The following VWC2L variants were observed in gnomAD, a reference collection of about 807,000 sequenced individuals.
VWC2L encodes the protein von Willebrand factor C domain-containing protein 2-like.
VWC2L carries 10 observed loss-of-function variants against 21.6 expected under a neutral mutation model. The observed-to-expected ratio is 0.46, with a 90% CI of 0.29 to 0.78. The LOEUF (loss-of-function observed/expected upper bound fraction) is 0.78, where lower values mean the gene tolerates loss of function less well. Among genes scored for constraint, VWC2L ranks in the 30% least tolerant of loss-of-function variants. The pLI is 0.10. For synonymous variants in VWC2L, 96 were observed against 94.3 expected (o/e 1.02, Z -0.10); for missense variants, 209 against 277.1 (o/e 0.75, Z 1.74).
rs117969638 is a variant in VWC2L, at chr2:214,566,661, C to T, written c.521-9011C>T. Among the ~76,000 whole-genome samples, 29 of 152,204 alleles carry T rather than the reference C, an allele frequency of 1.9e-4. 1 individual carries two copies. The East Asian group carries it at 3.1e-3, about 16-fold the overall frequency. The stretch of plus-strand genomic sequence containing the variant: ...AGTAAAATCAGATAGAGGCCCTCTA[C>T]TCTTTGGTCTGGAAGCTCCCTCCAG... On this transcript the variant is annotated intron_variant, in intron 3 of 3. Coordinates refer to ENST00000312504, the MANE Select transcript of VWC2L (RefSeq NM_001080500.4).
chr2:214,452,384 C>T (rs2126185190), intron 3 of VWC2L, among the ~76,000 whole-genome samples: 1 of 152,200 alleles, frequency 6.6e-6, no homozygotes, highest in South Asian at 2.1e-4. Flanking sequence ...TTTCATCTAG[C>T]TTTTTTCATT....
At position 214,495,549 on chromosome 2, in the gene VWC2L, T is replaced by C. The variant is rs915166126; in HGVS notation, c.520+58791T>C. On this transcript the variant is annotated intron_variant, in intron 3 of 3. Transcript: ENST00000312504. ...AGGAACCACTGGCAGAGAACTTCAC[T>C]GCCCCACTAGTTTGGCAGTGACATC... is the stretch of plus-strand genomic sequence containing the variant. 2.0e-5 allele frequency among the ~76,000 whole-genome samples: 3 copies of C among 152,202 alleles called. No individual in the cohort carries two copies. In the East Asian group the frequency reaches 5.8e-4, roughly 29 times the overall value.
rs771356465 is a variant in VWC2L, at chr2:214,575,670, A to G, written c.521-2A>G. 1 of 1,612,928 alleles carries G rather than the reference A, an allele frequency of 6.2e-7. No homozygotes were observed. The highest frequency in any genetic ancestry group is 8.5e-7 in the Non-Finnish European group (1 of 1,179,144). On this transcript the variant is annotated splice_acceptor_variant, in intron 3 of 3. Coordinates refer to ENST00000312504, the MANE Select transcript of VWC2L (RefSeq NM_001080500.4). LOFTEE classifies it high-confidence loss of function. ...ACTAATCAATGTATCTGTGTGTTTC[A>G]GGTCCAAACTGCTTTGCAGGAACGA...
At chr2:214,507,763 G>C (rs956992688) in intron 3 of VWC2L, among the ~76,000 whole-genome samples, 1 of 152,138 alleles carries the variant, frequency 6.6e-6, no homozygotes, top group African/African-American at 2.4e-5. Context: ...AACAGCCTTG[G>C]AGACAGTCAT....
intron 2 of VWC2L, among the ~76,000 whole-genome samples, chr2:214,416,276 A>C (rs1342280220): frequency 1.3e-5 from 2 of 152,150 alleles, no homozygotes; most frequent in Admixed American, 6.6e-5. Flanking sequence ...CAAAGATAAT[A>C]ACTATGTTAC....
chr2:214,497,618 AC>A, intron 3 of VWC2L, among the ~76,000 whole-genome samples: 1 of 152,190 alleles, frequency 6.6e-6, no homozygotes, highest in East Asian at 1.9e-4. Context: ...TCCATTTCTA[AC>A]CCCAAATTTC....
At chr2:214,562,970 AT>A in intron 3 of VWC2L, among the ~76,000 whole-genome samples, 1 of 152,138 alleles carries the variant, frequency 6.6e-6, no homozygotes, top group Non-Finnish European at 1.5e-5. Flanking sequence ...ATTAGATCCC[AT>A]TTGTCAATTT....
intron 3 of VWC2L, among the ~76,000 whole-genome samples, chr2:214,462,769 C>T (rs937086523): frequency 2.0e-5 from 3 of 151,962 alleles, no homozygotes; most frequent in Admixed American, 6.6e-5. Context: ...TTTCTAATAC[C>T]GTAAGCTTTT....
intron 3 of VWC2L, among the ~76,000 whole-genome samples, chr2:214,500,894 A>C (rs765607045): frequency 3.3e-5 from 5 of 152,202 alleles, no homozygotes; most frequent in Admixed American, 6.5e-5. Context: ...GACCTTTCTC[A>C]GTGTTTTCAT....
intron 3 of VWC2L, among the ~76,000 whole-genome samples, chr2:214,447,207 T>C (rs1702851176): frequency 6.6e-6 from 1 of 152,080 alleles, no homozygotes; most frequent in Non-Finnish European, 1.5e-5. Flanking sequence ...CTAGAAATGA[T>C]ATCTCTCCAG....
At chr2:214,571,965 A>G (rs1459652655) in intron 3 of VWC2L, among the ~76,000 whole-genome samples, 2 of 151,962 alleles carry the variant, frequency 1.3e-5, no homozygotes, top group Non-Finnish European at 1.5e-5. Flanking sequence ...TGTTTTTGGT[A>G]GAGACAAGGT....
At chr2:214,550,852 A>G (rs1689782763) in intron 3 of VWC2L, among the ~76,000 whole-genome samples, 1 of 151,986 alleles carries the variant, frequency 6.6e-6, no homozygotes, top group African/African-American at 2.4e-5. Context: ...CCTACCTCAA[A>G]CTTTTCAGTG....
intron 3 of VWC2L, among the ~76,000 whole-genome samples, chr2:214,514,334 C>G (rs942226733): frequency 6.6e-6 from 1 of 151,906 alleles, no homozygotes; most frequent in Non-Finnish European, 1.5e-5. Context: ...TTAGGTAACA[C>G]TTTTTTTCGT....
chr2:214,523,408 A>T (rs1689276270), intron 3 of VWC2L, among the ~76,000 whole-genome samples: 1 of 152,200 alleles, frequency 6.6e-6, no homozygotes, highest in African/African-American at 2.4e-5. Context: ...TGTTCTTTGA[A>T]TTTCAAGGTT....
chr2:214,435,767 A>G (rs1170293314), intron 2 of VWC2L, among the ~76,000 whole-genome samples: 2 of 152,152 alleles, frequency 1.3e-5, no homozygotes, highest in African/African-American at 4.8e-5. Flanking sequence ...GTTCCATGAG[A>G]AAAGTAGAGC....
intron 3 of VWC2L, among the ~76,000 whole-genome samples, chr2:214,489,227 G>A (rs1464261917): frequency 6.6e-6 from 1 of 152,134 alleles, no homozygotes; most frequent in Non-Finnish European, 1.5e-5. Context: ...AATTAGTTCT[G>A]AAGGAGTCTG....
At chr2:214,528,626 C>A (rs1689380987) in intron 3 of VWC2L, among the ~76,000 whole-genome samples, 1 of 151,788 alleles carries the variant, frequency 6.6e-6, no homozygotes, top group Non-Finnish European at 1.5e-5. Flanking sequence ...CAGAGGGAAC[C>A]CAGAATGAAC....
intron 2 of VWC2L, among the ~76,000 whole-genome samples, chr2:214,418,452 C>G (rs904783032): frequency 2.6e-5 from 4 of 152,066 alleles, no homozygotes; most frequent in Non-Finnish European, 4.4e-5. Context: ...CTCACCACTT[C>G]TAGTGATCTA....
At chr2:214,449,941 G>T (rs1702928867) in intron 3 of VWC2L, among the ~76,000 whole-genome samples, 1 of 152,098 alleles carries the variant, frequency 6.6e-6, no homozygotes, top group South Asian at 2.1e-4. Flanking sequence ...CCTTCTGGAA[G>T]GCTAAGCTCG....
Sources: allele counts gnomAD v4.1 joint callset (sites outside exome capture counted in the v4.1 genomes callset), GRCh38; gene constraint gnomAD v4.1.1; transcripts MANE v1.5; gene names NCBI Gene and HGNC (gene_info 2026-07-23, HGNC 2026-07-21).